Variants in ZNF827 observed in about 807,000 individuals in gnomAD.
The protein encoded by ZNF827 is zinc finger protein 827.
In ZNF827, 13 loss-of-function variants were observed where a neutral mutation model predicts 102.4. The ratio of observed to expected loss-of-function variants is 0.13; its 90% confidence interval spans 0.08 to 0.20. The LOEUF (loss-of-function observed/expected upper bound fraction) is 0.20, where lower values mean the gene tolerates loss of function less well. Among genes scored for constraint, ZNF827 ranks in the 10% least tolerant of loss-of-function variants. The pLI, the probability that ZNF827 is intolerant of heterozygous loss-of-function variation, is 1.00. For synonymous variants in ZNF827, 523 were observed against 536.2 expected (o/e 0.98, Z 0.34); for missense variants, 1,103 against 1,344.4 (o/e 0.82, Z 2.81).
chr4:145,930,108 C>CT (rs1177102604), intron 1 of ZNF827, among the ~76,000 whole-genome samples: 1 of 152,102 alleles, frequency 6.6e-6, no homozygotes, highest in Non-Finnish European at 1.5e-5. Flanking sequence ...ACAGATGATA[C>CT]TTTCTCCCTC....
chr4:145,844,543 G>T (rs1022277197), intron 7 of ZNF827, among the ~76,000 whole-genome samples: 3 of 151,708 alleles, frequency 2.0e-5, no homozygotes, highest in Non-Finnish European at 4.4e-5. Context: ...AGCAGAGGAT[G>T]GTGGCATATA....
chr4:145,846,113 C>A (rs1410836479), intron 6 of ZNF827, 100 bp from the exon 7 acceptor site: 1 of 1,127,946 alleles, frequency 8.9e-7, no homozygotes, highest in Non-Finnish European at 1.3e-6. Flanking sequence ...CTCTCTTTTT[C>A]CTTTGTGGTT....
intron 4 of ZNF827, among the ~76,000 whole-genome samples, chr4:145,884,143 T>A (rs1430907507): frequency 3.9e-5 from 6 of 152,250 alleles, no homozygotes; most frequent in African/African-American, 1.4e-4. Flanking sequence ...GCCCCCTCAC[T>A]CTCATTGCCA....
intron 7 of ZNF827, 94 bp downstream of exon 7, chr4:145,845,862 G>C: frequency 7.8e-7 from 1 of 1,286,710 alleles, no homozygotes. Context: ...TGAACCCAGT[G>C]GGAGAAAGAG....
At chr4:145,906,801 A>C (rs1399798469) in intron 1 of ZNF827, among the ~76,000 whole-genome samples, 1 of 152,254 alleles carries the variant, frequency 6.6e-6, no homozygotes, top group Non-Finnish European at 1.5e-5. Flanking sequence ...ATGCCTAGAT[A>C]ATTTCTCAAC....
intron 1 of ZNF827, among the ~76,000 whole-genome samples, chr4:145,911,545 A>C (rs778157185): frequency 2.6e-5 from 4 of 152,256 alleles, no homozygotes; most frequent in Non-Finnish European, 5.9e-5. Context: ...GCAGAGGATA[A>C]AGTAACTTGC....
chr4:145,918,310 A>G (rs1236350089), intron 1 of ZNF827, among the ~76,000 whole-genome samples: 2 of 149,762 alleles, frequency 1.3e-5, no homozygotes, highest in African/African-American at 4.9e-5. Context: ...TTAAAAACAT[A>G]AAAACTATTC....
intron 4 of ZNF827, chr4:145,870,866 A>G (rs1748621674): frequency 5.7e-6 from 1 of 173,924 alleles, no homozygotes; most frequent in Admixed American, 5.4e-5. Flanking sequence ...GCCATAAGAT[A>G]TTGAATACAA....
Position 145,761,593 on chromosome 4 carries a change from GGGCACCTGCCGGGGAAAGCAAC to G in ZNF827, c.*18-17_*22del. The G allele has an allele frequency of 7.9e-7, 1 of 1,259,422 alleles. No homozygotes were observed. Among genetic ancestry groups the G allele is most frequent in the Non-Finnish European group, 1.0e-6 (1 of 969,134 alleles). The allele number at this position is 1,259,422 out of a possible 1,614,324, so 78.0% of individuals were successfully genotyped here. A position where few individuals can be genotyped will look rare whatever the true frequency, so the allele number is the denominator to read the frequency against. ...GCGGTTGGTGGAATAAATGCAGAAT[GGGCACCTGCCGGGGAAAGCAAC>G]GCAAGGGAGGTTCAGCCGGGAAGGT... is the stretch of plus-strand genomic sequence containing the variant. On this transcript the variant is annotated splice_acceptor_variant and splice_polypyrimidine_tract_variant and 3_prime_UTR_variant and intron_variant, in exon 15 of 15. Transcript: ENST00000508784. LOFTEE classifies it low-confidence loss of function (3UTR_SPLICE). This position sits in a 1 kb window ranked among gnomAD's most constrained non-coding sequence, Gnocchi z 6.8.
chr4:145,819,259 G>A (rs765516025), intron 8 of ZNF827, among the ~76,000 whole-genome samples: 4 of 152,032 alleles, frequency 2.6e-5, no homozygotes, highest in South Asian at 2.1e-4. Context: ...AGAATTCCAC[G>A]GAGACCCACA....
chr4:145,765,802 G>A lies in ZNF827; in HGVS notation c.2861-64C>T. 2 of 1,521,278 alleles carry A rather than the reference G, an allele frequency of 1.3e-6. No homozygotes were observed. Among genetic ancestry groups the A allele is most frequent in the Non-Finnish European group, 1.8e-6 (2 of 1,119,584 alleles). The allele number at this position is 1,521,278 out of a possible 1,614,324, so 94.2% of individuals were successfully genotyped here. ...GAAAATCCTCAGAATTATAGCAACT[G>A]AGGGTGACGAGTTGAGTCTCATGGA... is the stretch of plus-strand genomic sequence containing the variant. On this transcript the variant is annotated intron_variant, in intron 11 of 14. Transcript: ENST00000508784. This position sits in a 1 kb window ranked among gnomAD's most constrained non-coding sequence, Gnocchi z 4.7.
chr4:145,804,727 T>C (rs1741238386), intron 8 of ZNF827, among the ~76,000 whole-genome samples: 1 of 152,220 alleles, frequency 6.6e-6, no homozygotes, highest in Non-Finnish European at 1.5e-5. Context: ...GTAGTGTTTC[T>C]AAGTAAGGGA....
At position 145,820,797 on chromosome 4, in the gene ZNF827, C is replaced by T. The variant is rs185203652; in HGVS notation, c.2383+2625G>A. Among the ~76,000 whole-genome samples, 680 of 152,282 alleles carry T rather than the reference C, an allele frequency of 4.5e-3. 4 individuals carry two copies. The highest frequency in any genetic ancestry group is 7.3e-3 in the Non-Finnish European group (498 of 68,016). ...CAATCCTCTCCAATGATTCACTAAT[C>T]TGCTGCCGGATTGGTCTTTCAAAAA... On this transcript the variant is annotated intron_variant, in intron 8 of 14. Coordinates refer to ENST00000508784, the MANE Select transcript of ZNF827 (RefSeq NM_001306215.2).
Position 145,816,849 on chromosome 4 carries a change from T to C in ZNF827, c.2383+6573A>G, listed in dbSNP as rs929942617. Among the ~76,000 whole-genome samples, 21 of 152,232 alleles carry C rather than the reference T, an allele frequency of 1.4e-4. 1 individual carries two copies. The highest frequency in any genetic ancestry group is 1.3e-3 in the Admixed American group (20 of 15,286). On this transcript the variant is annotated intron_variant, in intron 8 of 14. Transcript: ENST00000508784. ...ACAGGAGAAGATATATCAACCTACA[T>C]GTCATTAGTTTAGGGCAACCAGTTT...
intron 1 of ZNF827, among the ~76,000 whole-genome samples, chr4:145,914,972 G>A (rs537702975): frequency 1.6e-4 from 24 of 152,296 alleles, no homozygotes; most frequent in Non-Finnish European, 2.9e-4. Context: ...CTGATTTCGT[G>A]TTGCTAAAAC....
At chr4:145,796,331 T>C (rs1740375192) in intron 8 of ZNF827, among the ~76,000 whole-genome samples, 1 of 152,200 alleles carries the variant, frequency 6.6e-6, no homozygotes. Context: ...TCTGGAAGGA[T>C]GTACACGAAA....
chr4:145,834,237 C>G (rs915941281), intron 7 of ZNF827, among the ~76,000 whole-genome samples: 1 of 152,164 alleles, frequency 6.6e-6, no homozygotes, highest in Non-Finnish European at 1.5e-5. Flanking sequence ...GTCTGAGGTG[C>G]CTGACATCCA....
intron 13 of ZNF827, 70 bp downstream of exon 13, chr4:145,764,918 G>A: frequency 6.2e-7 from 1 of 1,605,408 alleles, no homozygotes; most frequent in Non-Finnish European, 8.5e-7. Flanking sequence ...CACGGGAAGG[G>A]ACGGGGTAGG....
At chr4:145,826,732 C>T (rs547002479) in intron 7 of ZNF827, among the ~76,000 whole-genome samples, 9 of 152,140 alleles carry the variant, frequency 5.9e-5, no homozygotes, top group African/African-American at 2.2e-4. Flanking sequence ...CTGAGGTTTC[C>T]GGCAACCACT....
Sources: gnomAD v4.1 joint callset for allele counts (sites outside exome capture counted in the v4.1 genomes callset) on GRCh38, gnomAD v4.1.1 for gene constraint, Gnocchi (gnomAD v3.1) non-coding constraint, MANE v1.5 for transcripts, NCBI Gene and HGNC (gene_info 2026-07-23, HGNC 2026-07-21) for gene names.